ADGRV1: variants seen among roughly 807,000 people sequenced by gnomAD.
ADGRV1 encodes G-protein coupled receptor 98.
ADGRV1 carries 359 observed loss-of-function variants against 596.2 expected under a neutral mutation model. The ratio of observed to expected loss-of-function variants is 0.60; its 90% CI spans 0.55 to 0.66. The LOEUF (loss-of-function observed/expected upper bound fraction) is 0.66, where lower values mean the gene tolerates loss of function less well. Among genes scored for constraint, ADGRV1 ranks in the 30% least tolerant of loss-of-function variants. ADGRV1 has a pLI of 0.00. For missense variants in ADGRV1, 7,274 were observed against 7,575.6 expected (o/e 0.96, Z 1.48); for synonymous variants, 2,681 against 2,679.2 (o/e 1.00, Z -0.02).
Position 90,864,030 on chromosome 5 carries a change from C to T in ADGRV1, c.17856+173C>T, listed in dbSNP as rs1377014743. ...GAGAGTCATATAAGGAGAATCAGGC[C>T]TAAAATGCTTCTTTCTACAGAGAAG... On this transcript the variant is annotated intron_variant, in intron 83 of 89. Transcript: ENST00000405460. 4.6e-5 allele frequency among the ~76,000 whole-genome samples: 7 copies of T among 151,520 alleles called. No individual in the cohort carries two copies. The East Asian group carries it at 1.4e-3, about 29-fold the overall frequency.
At position 90,759,558 on chromosome 5, in the gene ADGRV1, A is replaced by C. The variant is rs528153209; in HGVS notation, c.12090A>C (p.Pro4030=). Residue 4030 remains proline (P), a synonymous_variant, in exon 58 of 90, where the codon CCA becomes CCC. Coordinates refer to ENST00000405460, the MANE Select transcript of ADGRV1 (RefSeq NM_032119.4). Reference sequence around the variant, plus strand: ...TTGTTATTCCACAAAATGATTCTCCATTTGGAGTATTTGGATTTGAAGAAA... The same window carrying C: ...TTGTTATTCCACAAAATGATTCTCCCTTTGGAGTATTTGGATTTGAAGAAA... ...VTVVIPQNDS[P]FGVFGFEEKT... The C allele has an allele frequency of 6.2e-7, 1 of 1,613,466 alleles. No homozygotes were observed. Among genetic ancestry groups the C allele is most frequent in the East Asian group, 2.2e-5 (1 of 44,848 alleles).
chr5:90,694,572 G>T lies in ADGRV1; in HGVS notation c.7816G>T (p.Val2606Leu). 6.2e-7 allele frequency: 1 copy of T among 1,613,868 alleles called. No homozygotes were observed. The change falls in exon 33 of 90, where the codon GTG (valine) becomes TTG (leucine). Residue 2606 changes from valine (V) to leucine (L), a missense_variant. Physicochemically the swap from Val to Leu is conservative, Grantham distance 32. This residue lies in a region of ADGRV1 where 3,643 missense variants were observed against 3,809.2 expected (regional missense o/e 0.96). Coordinates refer to ENST00000405460, the MANE Select transcript of ADGRV1 (RefSeq NM_032119.4). ...AGTTCAGGAGCAGCCCCAAACCTTG[G>T]TGGAGCTGATGATACACAGGACAGG... is the stretch of plus-strand genomic sequence containing the variant. ...VEVQEQPQTL[V>L]ELMIHRTGGS...
At chr5:90,615,093 T>A (rs747072712) in intron 2 of ADGRV1, 74 bp downstream of exon 2, 55 of 971,010 alleles carry the variant, frequency 5.7e-5, no homozygotes, top group Non-Finnish European at 7.9e-5. Flanking sequence ...AAGGATTTTT[T>A]TTTTCTGTTT....
chr5:90,856,371 C>T (rs1414173081), intron 82 of ADGRV1, among the ~76,000 whole-genome samples: 1 of 152,120 alleles, frequency 6.6e-6, no homozygotes, highest in Non-Finnish European at 1.5e-5. Context: ...GTGAATATGC[C>T]AACCACTGTG....
chr5:90,655,807 C>G (rs1180392675), intron 20 of ADGRV1: 1 of 151,926 alleles, frequency 6.6e-6, no homozygotes, highest in Non-Finnish European at 1.5e-5. Context: ...GTAAAGTACA[C>G]ATATACAACA....
chr5:90,601,641 C>T (rs886174840), intron 1 of ADGRV1, among the ~76,000 whole-genome samples: 2 of 152,148 alleles, frequency 1.3e-5, no homozygotes, highest in African/African-American at 2.4e-5. Flanking sequence ...TAGACTCAGA[C>T]GTTAACAATA....
rs1581008788 is a variant in ADGRV1 at position 90,753,911 on chromosome 5, A to G, written c.11377+82A>G. 1.5e-5 allele frequency: 20 copies of G among 1,344,958 alleles called. No homozygotes were observed. The East Asian group carries it at 2.0e-4, about 14-fold the overall frequency. The allele number at this position is 1,344,958 out of a possible 1,614,324, so 83.3% of individuals were successfully genotyped here. On this transcript the variant is annotated intron_variant, in intron 54 of 89. Coordinates refer to ENST00000405460, the MANE Select transcript of ADGRV1 (RefSeq NM_032119.4). ...ATTCTAATATTTATAAGGAATGTAA[A>G]TTTCTCTTTTTATATGACTTTTTCA... is the stretch of plus-strand genomic sequence containing the variant.
intron 89 of ADGRV1, among the ~76,000 whole-genome samples, chr5:91,162,192 A>G (rs1246947307): frequency 6.6e-6 from 1 of 152,226 alleles, no homozygotes; most frequent in African/African-American, 2.4e-5. Flanking sequence ...TTAATACTAC[A>G]TTCAGCACAC....
chr5:91,022,396 C>G (rs994207149), intron 85 of ADGRV1, among the ~76,000 whole-genome samples: 3 of 152,002 alleles, frequency 2.0e-5, no homozygotes, highest in Non-Finnish European at 4.4e-5. Context: ...AATTTATCAT[C>G]AGGGAGAGTT....
intron 74 of ADGRV1, among the ~76,000 whole-genome samples, chr5:90,811,829 C>T (rs953624696): frequency 1.7e-4 from 26 of 151,078 alleles, no homozygotes; most frequent in African/African-American, 5.4e-4. Flanking sequence ...TGTGTATATA[C>T]GTTACAATAG....
intron 77 of ADGRV1, among the ~76,000 whole-genome samples, chr5:90,836,395 T>C (rs1764971000): frequency 6.6e-6 from 1 of 151,944 alleles, no homozygotes; most frequent in Non-Finnish European, 1.5e-5. Context: ...TCCTCACTAA[T>C]AATAAGAAAC....
chr5:91,138,292 C>T (rs16869507), intron 87 of ADGRV1, among the ~76,000 whole-genome samples: 1,894 of 151,550 alleles, frequency 0.012, 79 homozygotes, highest in Admixed American at 0.069. Flanking sequence ...TATATCCAAG[C>T]TGGAGTGGTT....
At chr5:90,753,310 G>A (rs547962752) in intron 53 of ADGRV1, among the ~76,000 whole-genome samples, 3 of 151,790 alleles carry the variant, frequency 2.0e-5, no homozygotes, top group Non-Finnish European at 2.9e-5. Flanking sequence ...ATCTTAGAAT[G>A]GAATTCAGTC....
chr5:90,823,311 A>C, intron 75 of ADGRV1, 114 bp from the exon 76 acceptor site: 2 of 1,064,040 alleles, frequency 1.9e-6, no homozygotes, highest in African/African-American at 1.6e-5. Flanking sequence ...CTTTGGATGA[A>C]GAGGTACCAT....
At position 90,763,462 on chromosome 5, in the gene ADGRV1, T is replaced by C. The variant is rs1756737287; in HGVS notation, c.12278T>C (p.Phe4093Ser). Residue 4093 changes from phenylalanine (F) to serine (S), a missense_variant, in exon 59 of 90, where the codon TTT becomes TCT. By Grantham distance (155) the Phe-to-Ser change is radical (BLOSUM62 -2). This residue lies in a region of ADGRV1 where 3,643 missense variants were observed against 3,809.2 expected (regional missense o/e 0.96). Coordinates refer to ENST00000405460, the MANE Select transcript of ADGRV1 (RefSeq NM_032119.4). ...NLSPLNGTLH[F>S]DETESQKTIV... Reference sequence around the variant, plus strand: ...AGTCCTTTGAATGGGACCCTTCATTTTGATGAGGTATAGTCAGCATTAGCA... The same window carrying C: ...AGTCCTTTGAATGGGACCCTTCATTCTGATGAGGTATAGTCAGCATTAGCA... The C allele has an allele frequency of 6.2e-7, 1 of 1,612,258 alleles. No homozygotes were observed. Among genetic ancestry groups the C allele is most frequent in the African/African-American group, 1.3e-5 (1 of 74,916 alleles).
At chr5:91,148,420 G>A (rs965266953) in intron 87 of ADGRV1, among the ~76,000 whole-genome samples, 3 of 152,246 alleles carry the variant, frequency 2.0e-5, no homozygotes, top group African/African-American at 7.2e-5. Context: ...CTAAGGTACA[G>A]CTCAGGCCAT....
intron 33 of ADGRV1, among the ~76,000 whole-genome samples, chr5:90,695,226 T>C (rs1747030866): frequency 6.6e-6 from 1 of 152,156 alleles, no homozygotes; most frequent in Non-Finnish European, 1.5e-5. Flanking sequence ...TAATGATAAA[T>C]TTATAATACT....
intron 86 of ADGRV1, among the ~76,000 whole-genome samples, chr5:91,080,129 A>G (rs577561321): frequency 6.6e-5 from 10 of 152,278 alleles, no homozygotes; most frequent in African/African-American, 2.4e-4. Context: ...ATGTGTAATG[A>G]TCATGTCAGG....
At chr5:90,586,251 A>G (rs173660) in intron 1 of ADGRV1, among the ~76,000 whole-genome samples, 29,729 of 152,176 alleles carry the variant, frequency 0.2, 3,130 homozygotes, top group East Asian at 0.4. Flanking sequence ...GAGTGCAGCT[A>G]TAAAATGTAT....
Sources: allele counts gnomAD v4.1 joint callset (sites outside exome capture counted in the v4.1 genomes callset), GRCh38; gene constraint gnomAD v4.1.1; regional missense constraint gnomAD v4.1.1; transcripts MANE v1.5; gene names NCBI Gene and HGNC (gene_info 2026-07-23, HGNC 2026-07-21).